Variants in USP11 observed in about 807,000 individuals in gnomAD.
The protein encoded by USP11 is ubiquitin carboxyl-terminal hydrolase 11.
Under a neutral mutation model 72.8 loss-of-function variants are expected in USP11, and 5 were observed. The observed-to-expected ratio is 0.07, with a 90% CI of 0.04 to 0.14. The LOEUF is 0.14. Among genes scored for constraint, USP11 ranks in the 10% least tolerant of loss-of-function variants. The pLI, the probability that USP11 is intolerant of heterozygous loss-of-function variation, is 1.00. For synonymous variants in USP11, 368 were observed against 326.5 expected (o/e 1.13, Z -1.37); for missense variants, 480 against 794.7 (o/e 0.60, Z 4.76).
chrX:47,247,427 C>T lies in USP11; in HGVS notation c.2536+8C>T, dbSNP rs1437891793. The T allele has an allele frequency of 6.6e-6, 8 of 1,206,300 alleles. No homozygotes were observed. The highest frequency in any genetic ancestry group is 1.8e-5 in the African/African-American group (1 of 56,656). ...GCATGCGTGATGGACACTGTATGTG[C>T]CAGGCTGTGGGTGGGGCCTGCCCTG... On this transcript the variant is annotated splice_region_variant and intron_variant, in intron 19 of 20. Transcript: ENST00000377107.
At position 47,246,624 on chromosome X, in the gene USP11, G is replaced by A. The variant is rs73486235; in HGVS notation, c.2271-448G>A. On this transcript the variant is annotated intron_variant, in intron 17 of 20. Transcript: ENST00000377107. ...GTGAAAGGATTTTAACAGGAACAGA[G>A]CAAACTAGAATACTAGATGGGCTAA... 3.7e-3 allele frequency among the ~76,000 whole-genome samples: 411 copies of A among 111,021 alleles called. 1 individual carries two copies. The highest frequency in any genetic ancestry group is 0.012 in the African/African-American group (354 of 30,604).
At chrX:47,241,229 C>T in intron 7 of USP11, 48 bp from the exon 8 acceptor site, 3 of 1,145,702 alleles carry the variant, frequency 2.6e-6, no homozygotes, top group Non-Finnish European at 2.3e-6. Flanking sequence ...TCACTTTGAA[C>T]CTTCTGTCTC....
chrX:47,241,378 A>G lies in USP11; in HGVS notation c.948A>G (p.Ala316=). The change falls in exon 8 of 21, where the codon GCA becomes GCG. Residue 316 remains alanine (A), a synonymous_variant. Coordinates refer to ENST00000377107, the MANE Select transcript of USP11 (RefSeq NM_001371072.1). ...RNPLGMKGEI[A]EAYADLVKQA... is the part of the protein sequence containing the mutation. ...CACTGGGCATGAAGGGTGAGATCGC[A>G]GAGGCCTATGCAGACCTGGTGAAGC... The G allele has an allele frequency of 8.3e-7, 1 of 1,211,722 alleles. No homozygotes were observed. The highest frequency in any genetic ancestry group is 1.8e-5 in the South Asian group (1 of 56,992).
In USP11 at chrX:47,240,569, T is replaced by C; in HGVS notation, c.682-18T>C. On this transcript the variant is annotated intron_variant, in intron 5 of 20. Coordinates refer to ENST00000377107, the MANE Select transcript of USP11 (RefSeq NM_001371072.1). ...TCCTCCATTAATACCTTTCCTTCTT[T>C]CTCTTTCTCCAACCCAGTTGATCAT... 1 of 1,211,454 alleles carries C rather than the reference T, an allele frequency of 8.3e-7. No homozygotes were observed. The highest frequency in any genetic ancestry group is 3.0e-5 in the East Asian group (1 of 33,827).
intron 16 of USP11, 67 bp downstream of exon 16, chrX:47,245,153 C>A: frequency 8.7e-7 from 1 of 1,144,296 alleles, no homozygotes; most frequent in East Asian, 3.1e-5. Context: ...TACATCCTCC[C>A]CACAACTCCT....
At chrX:47,246,011 AC>A (rs1874840699) in intron 17 of USP11, among the ~76,000 whole-genome samples, 1 of 111,322 alleles carries the variant, frequency 9.0e-6, no homozygotes, top group Admixed American at 9.6e-5. Flanking sequence ...TTCACTCCTT[AC>A]GATGCTCAGG....
Position 47,247,784 on chromosome X carries a change from T to C in USP11, c.2626-9T>C. The C allele has an allele frequency of 3.3e-6, 4 of 1,207,238 alleles. No individual in the cohort carries two copies. Among genetic ancestry groups the C allele is most frequent in the Non-Finnish European group, 4.5e-6 (4 of 893,447 alleles). On this transcript the variant is annotated splice_polypyrimidine_tract_variant and intron_variant, in intron 20 of 20. Transcript: ENST00000377107. ...ACAATCCACACTGACTCCTGTCCTC[T>C]CCCCACAGTCCAAGGCAGCCTATGT...
chrX:47,241,677 A>G lies in USP11; in HGVS notation c.1157A>G (p.Asp386Gly). The G allele has an allele frequency of 8.3e-7, 1 of 1,201,478 alleles. No individual in the cohort carries two copies. The change falls in exon 9 of 21, where the codon GAT becomes GGT. Residue 386 changes from aspartate (D) to glycine (G), a missense_variant. By Grantham distance (94) the Asp-to-Gly change is moderately conservative. Coordinates refer to ENST00000377107, the MANE Select transcript of USP11 (RefSeq NM_001371072.1). ...VKKKEYVELCDAAGRPDQEVA... is the reference protein window; with the variant it reads ...VKKKEYVELCGAAGRPDQEVA... The stretch of plus-strand genomic sequence containing the variant: ...AAGAAGGAGTATGTGGAGCTGTGCG[A>G]TGCTGCTGGGCGACCGGATCAGGTA...
chrX:47,236,206 G>C (rs2055371157), intron 1 of USP11, among the ~76,000 whole-genome samples: 1 of 112,287 alleles, frequency 8.9e-6, no homozygotes, highest in Admixed American at 9.4e-5. Flanking sequence ...CAGTGTTGAA[G>C]CCGGTTTGTC....
At chrX:47,237,828 T>TG (rs2055381424) in intron 1 of USP11, among the ~76,000 whole-genome samples, 2 of 88,972 alleles carry the variant, frequency 2.2e-5, no homozygotes, top group Non-Finnish European at 4.4e-5. Context: ...GTGTGTGTGT[T>TG]TAGGCAGGAG....
intron 9 of USP11, 110 bp from the exon 10 acceptor site, chrX:47,241,972 C>A: frequency 1.1e-6 from 1 of 880,577 alleles, no homozygotes; most frequent in Non-Finnish European, 1.6e-6. Flanking sequence ...GGAGCTCTGC[C>A]TCTGGACTTT....
chrX:47,241,175 CTT>C (rs1028138253), intron 7 of USP11, 100 bp from the exon 8 acceptor site: 14 of 917,435 alleles, frequency 1.5e-5, no homozygotes, highest in African/African-American at 8.0e-5. Context: ...CCCCTTCTCT[CTT>C]GTTTTCCTCT....
intron 4 of USP11, 39 bp downstream of exon 4, chrX:47,239,946 C>T: frequency 2.6e-6 from 3 of 1,136,113 alleles, no homozygotes; most frequent in Non-Finnish European, 3.6e-6. Context: ...GTGTTCCTAG[C>T]TACTAGTCCC....
At chrX:47,237,623 A>G (rs2055378725) in intron 1 of USP11, among the ~76,000 whole-genome samples, 1 of 111,551 alleles carries the variant, frequency 9.0e-6, no homozygotes, top group Admixed American at 9.5e-5. Context: ...AAAAAATGAT[A>G]ATAATAATAA....
intron 1 of USP11, chrX:47,233,881 C>T (rs939183195): frequency 5.5e-5 from 6 of 109,078 alleles, no homozygotes; most frequent in African/African-American, 2.0e-4. Context: ...TTGATTCTGG[C>T]GGAAGCCTTC....
chrX:47,247,376 C>A lies in USP11; in HGVS notation c.2493C>A (p.Leu831=), dbSNP rs148566531. ...ESNPELYKYD[L]IAVSNHYGGM... ...ATCCGGAGCTGTACAAATATGACCTCATCGCGGTTTCCAACCATTATGGGG... is the reference window on the plus strand; with the variant it reads ...ATCCGGAGCTGTACAAATATGACCTAATCGCGGTTTCCAACCATTATGGGG... The change falls in exon 19 of 21, where the codon CTC becomes CTA. Residue 831 remains leucine (L), a synonymous_variant. Transcript: ENST00000377107. 7.0e-4 allele frequency: 849 copies of A among 1,209,148 alleles called. No individual in the cohort carries two copies. The highest frequency in any genetic ancestry group is 9.2e-4 in the Non-Finnish European group (821 of 895,037).
At chrX:47,239,737 C>A in intron 3 of USP11, 53 bp from the exon 4 acceptor site, 1 of 1,140,232 alleles carries the variant, frequency 8.8e-7, no homozygotes, top group Non-Finnish European at 1.2e-6. Flanking sequence ...TGAGAGGTCA[C>A]AGCGCTGTGT....
At chrX:47,242,827 C>A in intron 12 of USP11, 107 bp downstream of exon 12, 1 of 604,674 alleles carries the variant, frequency 1.7e-6, no homozygotes, top group Non-Finnish European at 2.8e-6. Context: ...CTGCCTCGTT[C>A]ACTGGGCACC....
Position 47,243,550 on chromosome X carries a change from C to T in USP11, c.1738C>T (p.Arg580Trp), listed in dbSNP as rs939293473. 1 of 1,211,774 alleles carries T rather than the reference C, an allele frequency of 8.3e-7. No homozygotes were observed. Among genetic ancestry groups the T allele is most frequent in the Non-Finnish European group, 1.1e-6 (1 of 895,522 alleles). ...FGHPLLVSVP[R>W]DRFTWEGLYN... ...ACACCCCCTCCTGGTATCAGTGCCC[C>T]GGGACCGCTTCACCTGGGAGGGCCT... The change falls in exon 13 of 21, where the codon CGG becomes TGG. Residue 580 changes from arginine to tryptophan, a missense_variant. Transcript: ENST00000377107.
Sources: allele counts gnomAD v4.1 joint callset (sites outside exome capture counted in the v4.1 genomes callset), GRCh38; gene constraint gnomAD v4.1.1; transcripts MANE v1.5; gene names NCBI Gene and HGNC (gene_info 2026-07-23, HGNC 2026-07-21).